GIGYF2: variants seen among roughly 807,000 people sequenced by gnomAD.
GIGYF2 encodes the protein GRB10 interacting GYF protein 2.
In GIGYF2, 25 loss-of-function variants were observed where a neutral mutation model predicts 208.1. The ratio of observed to expected loss-of-function variants is 0.12; its 90% CI spans 0.09 to 0.17. GIGYF2 has a LOEUF of 0.17. Ranked by LOEUF, GIGYF2 falls within the 10% of genes least tolerant of loss-of-function variation. GIGYF2 has a pLI of 1.00. For synonymous variants in GIGYF2, 534 were observed against 543.8 expected, an observed-to-expected ratio of 0.98 and a Z score of 0.25; for missense variants, 1,302 against 1,579.4, an observed-to-expected ratio of 0.82 and a Z score of 2.98.
chr2:232,781,287 T>TACACACAGACAC (rs1699712234), intron 8 of GIGYF2, among the ~76,000 whole-genome samples: 1 of 127,058 alleles, frequency 7.9e-6, no homozygotes, highest in African/African-American at 3.1e-5. Flanking sequence ...ATATCAGGAA[T>TACACACAGACAC]ACACACACAC....
intron 2 of GIGYF2, among the ~76,000 whole-genome samples, chr2:232,728,383 A>T (rs530381951): frequency 6.6e-6 from 1 of 152,330 alleles, no homozygotes; most frequent in Admixed American, 6.5e-5. Context: ...GCAAATAAGA[A>T]CTTTTGTTAG....
chr2:232,774,812 T>C (rs1699443218), intron 8 of GIGYF2, among the ~76,000 whole-genome samples: 1 of 152,230 alleles, frequency 6.6e-6, no homozygotes, highest in South Asian at 2.1e-4. Context: ...ATGATTCTTT[T>C]GTATTTTCAA....
At position 232,833,053 on chromosome 2, in the gene GIGYF2, T is replaced by TGCA. The variant is rs772290432; in HGVS notation, c.2742_2744dup (p.Gln917dup). 79 of 1,554,296 alleles carry TGCA rather than the reference T, an allele frequency of 5.1e-5. No homozygotes were observed. Among genetic ancestry groups the TGCA allele is most frequent in the Middle Eastern group, 3.3e-4 (2 of 5,984 alleles). ...CAGCAGCAAGAGGCTCTCCGGAGGT[T>TGCA]GCAGCAGCAGCAGCAGCAACAACAG... On this transcript the variant is annotated inframe_insertion, in exon 22 of 29. Transcript: ENST00000373563.
Position 232,847,534 on chromosome 2 carries a change from A to AGCC in GIGYF2, c.3651_3653dup (p.Pro1218dup), listed in dbSNP as rs1335334606. ...CAGCTGCCACAGCAGCAGCAGCAGC[A>AGCC]GCCGCCACAGCAGCCGCCACAGCAG... On this transcript the variant is annotated inframe_insertion, in exon 27 of 29. Coordinates refer to ENST00000373563, the MANE Select transcript of GIGYF2 (RefSeq NM_001103146.3). The AGCC allele has an allele frequency of 1.3e-6, 2 of 1,598,832 alleles. No individual in the cohort carries two copies. The highest frequency in any genetic ancestry group is 8.5e-7 in the Non-Finnish European group (1 of 1,173,160).
At chr2:232,758,730 A>G (rs964780557) in intron 6 of GIGYF2, among the ~76,000 whole-genome samples, 4 of 152,118 alleles carry the variant, frequency 2.6e-5, no homozygotes, top group African/African-American at 9.7e-5. Context: ...TATTTTTTAT[A>G]TTTATATGTT....
intron 2 of GIGYF2, among the ~76,000 whole-genome samples, chr2:232,714,921 C>G (rs1032893523): frequency 2.6e-5 from 4 of 152,034 alleles, no homozygotes; most frequent in Non-Finnish European, 5.9e-5. Flanking sequence ...CGATCCTCTC[C>G]CTTCTCCCAC....
chr2:232,790,033 A>T (rs1333140035), intron 9 of GIGYF2, among the ~76,000 whole-genome samples: 1 of 152,080 alleles, frequency 6.6e-6, no homozygotes, highest in African/African-American at 2.4e-5. Context: ...TTTTAGTTCT[A>T]CTTTGCCATG....
intron 8 of GIGYF2, among the ~76,000 whole-genome samples, chr2:232,762,245 T>G (rs1264628568): frequency 6.7e-6 from 1 of 148,576 alleles, no homozygotes; most frequent in East Asian, 2.0e-4. Flanking sequence ...TTTGTTTTTT[T>G]TTTTGTTTTT....
chr2:232,779,137 A>G (rs1271047382), intron 8 of GIGYF2, among the ~76,000 whole-genome samples: 1 of 152,174 alleles, frequency 6.6e-6, no homozygotes, highest in African/African-American at 2.4e-5. Flanking sequence ...CCAGAAACTC[A>G]TGGTCCTTCC....
At chr2:232,744,973 G>A (rs552172534) in intron 3 of GIGYF2, among the ~76,000 whole-genome samples, 2 of 152,278 alleles carry the variant, frequency 1.3e-5, no homozygotes, top group South Asian at 2.1e-4. Flanking sequence ...TAGATTAAAT[G>A]AGCTAGTTCA....
intron 5 of GIGYF2, 33 bp from the exon 6 acceptor site, chr2:232,756,190 T>C: frequency 7.9e-7 from 1 of 1,266,160 alleles, no homozygotes; most frequent in Non-Finnish European, 1.1e-6. Context: ...CTTTTTTTCC[T>C]TTTTCTCTTT....
At chr2:232,800,589 C>CT (rs756914156) in intron 14 of GIGYF2, among the ~76,000 whole-genome samples, 887 of 61,230 alleles carry the variant, frequency 0.014, 6 homozygotes, top group African/African-American at 0.038. Flanking sequence ...TTCTTTTTTT[C>CT]TTTTTTTTTT....
chr2:232,859,818 T>C lies in GIGYF2; in HGVS notation c.*2958T>C, dbSNP rs1690706692. 6.6e-6 allele frequency: 1 copy of C among 152,182 alleles called. No homozygotes were observed. The highest frequency in any genetic ancestry group is 2.1e-4 in the South Asian group (1 of 4,828). The allele number at this position is 152,182 out of a possible 1,614,324, so 9.4% of individuals were successfully genotyped here. On this transcript the variant is annotated 3_prime_UTR_variant, in exon 29 of 29. Coordinates refer to ENST00000373563, the MANE Select transcript of GIGYF2 (RefSeq NM_001103146.3). ...TGTGTGTCGTCTCCGGAATGGCAGC[T>C]TCAGAGGAGTTGAACTTAAGTGGTG...
intron 28 of GIGYF2, among the ~76,000 whole-genome samples, chr2:232,852,087 T>C (rs1377535650): frequency 1.3e-5 from 2 of 152,206 alleles, no homozygotes; most frequent in Non-Finnish European, 1.5e-5. Context: ...GGGTTGAGTT[T>C]GAAATGTCTG....
intron 27 of GIGYF2, among the ~76,000 whole-genome samples, chr2:232,849,641 T>C (rs1184801972): frequency 1.3e-5 from 2 of 152,196 alleles, no homozygotes. Flanking sequence ...CAGAGCTTTT[T>C]CCACTTCTCC....
At chr2:232,843,356 A>G (rs7568385) in intron 23 of GIGYF2, among the ~76,000 whole-genome samples, 103,526 of 151,428 alleles carry the variant, frequency 0.68, 35,752 homozygotes, top group African/African-American at 0.73. Context: ...TCAGGAGTTC[A>G]AGGCCAGCCT....
intron 8 of GIGYF2, chr2:232,767,590 C>T (rs1699028383): frequency 6.4e-6 from 1 of 155,222 alleles, no homozygotes; most frequent in Admixed American, 6.4e-5. Flanking sequence ...TGTTCAAATG[C>T]TTTTAGGTTT....
In GIGYF2 at chr2:232,840,650, CTGAT is replaced by C. The variant is rs564218206; in HGVS notation, c.2889+683_2889+686del. Among the ~76,000 whole-genome samples, 332 of 152,200 alleles carry C rather than the reference CTGAT, an allele frequency of 2.2e-3. 3 individuals carry two copies. Among genetic ancestry groups the C allele is most frequent in the Middle Eastern group, 0.01 (3 of 294 alleles). On this transcript the variant is annotated intron_variant, in intron 23 of 28. Transcript: ENST00000373563. ...TTTCTGCATTCATGAAGCTGACCCT[CTGAT>C]TGAGAAGAGAAAAGTAGAAAATGAA...
intron 2 of GIGYF2, among the ~76,000 whole-genome samples, chr2:232,709,636 C>T (rs963904315): frequency 1.3e-5 from 2 of 151,934 alleles, no homozygotes; most frequent in African/African-American, 4.8e-5. Context: ...TGGTGAAACC[C>T]CGTCTCTACT....
Sources: gnomAD v4.1 joint callset for allele counts (sites outside exome capture counted in the v4.1 genomes callset) on GRCh38, gnomAD v4.1.1 for gene constraint, MANE v1.5 for transcripts, NCBI Gene and HGNC (gene_info 2026-07-23, HGNC 2026-07-21) for gene names.